NRXN3: variants seen among roughly 807,000 people sequenced by gnomAD.
NRXN3 encodes neurexin III.
Under a neutral mutation model 137.6 loss-of-function variants are expected in NRXN3, and 32 were observed. The ratio of observed to expected loss-of-function variants is 0.23; its 90% CI spans 0.18 to 0.31. NRXN3 has a LOEUF of 0.31. NRXN3 is among the 10% of genes least tolerant of loss of function. NRXN3 has a pLI of 1.00. For synonymous variants in NRXN3, 798 were observed against 784.5 expected (o/e 1.02, Z -0.29); for missense variants, 1,574 against 2,062.5 (o/e 0.76, Z 4.59).
At chr14:79,389,486 T>A (rs2153469970) in intron 15 of NRXN3, among the ~76,000 whole-genome samples, 1 of 152,320 alleles carries the variant, frequency 6.6e-6, no homozygotes, top group South Asian at 2.1e-4. Flanking sequence ...GCATTGGGGA[T>A]TAGGTTTCCA....
At chr14:79,854,820 T>C (rs1213568260) in intron 20 of NRXN3, among the ~76,000 whole-genome samples, 1 of 152,210 alleles carries the variant, frequency 6.6e-6, no homozygotes, top group Admixed American at 6.5e-5. Flanking sequence ...TACTCTCAAG[T>C]GACTATGGTA....
rs182427466 is a variant in NRXN3, at chr14:79,716,449, G to A, written c.4014+18512G>A. ...CCTTTTAGCATGTACATTTGTCTAG[G>A]TTTCTGGACTTTACAGCCTTCTGGT... On this transcript the variant is annotated intron_variant, in intron 19 of 20. Transcript: ENST00000335750. Among the ~76,000 whole-genome samples the A allele has an allele frequency of 2.1e-3, 313 of 152,268 alleles. 2 individuals are homozygous for A. Among genetic ancestry groups the A allele is most frequent in the African/African-American group, 7.2e-3 (301 of 41,546 alleles).
At chr14:79,020,862 TAC>T (rs3035451) in intron 15 of NRXN3, among the ~76,000 whole-genome samples, 3,230 of 145,176 alleles carry the variant, frequency 0.022, 75 homozygotes, top group African/African-American at 0.061. Flanking sequence ...GCTTGCATTT[TAC>T]ACACACACAC....
intron 16 of NRXN3, among the ~76,000 whole-genome samples, chr14:79,521,983 A>T (rs903324717): frequency 6.6e-6 from 1 of 152,130 alleles, no homozygotes; most frequent in Non-Finnish European, 1.5e-5. Flanking sequence ...TGTTGGGAGG[A>T]TGTTTCTATA....
chr14:79,256,169 T>C (rs2076551936), intron 15 of NRXN3, among the ~76,000 whole-genome samples: 1 of 150,520 alleles, frequency 6.6e-6, no homozygotes, highest in Non-Finnish European at 1.5e-5. Flanking sequence ...TGTCTCTCTC[T>C]CTGTCTCTCT....
intron 2 of NRXN3, among the ~76,000 whole-genome samples, chr14:78,246,287 G>T (rs2067663875): frequency 6.6e-6 from 1 of 152,138 alleles, no homozygotes; most frequent in African/African-American, 2.4e-5. Context: ...TATTTTGTGT[G>T]TGTTCCAGCT....
chr14:78,808,243 A>G (rs376003155), intron 9 of NRXN3, among the ~76,000 whole-genome samples: 3 of 152,202 alleles, frequency 2.0e-5, no homozygotes, highest in African/African-American at 7.2e-5. Context: ...ACATTGGTTT[A>G]AAGACCGCAT....
intron 15 of NRXN3, among the ~76,000 whole-genome samples, chr14:79,253,277 C>T (rs1568796736): frequency 6.6e-6 from 1 of 152,128 alleles, no homozygotes; most frequent in Non-Finnish European, 1.5e-5. Context: ...GGTGTTGAAC[C>T]ACTACTCGTA....
chr14:78,469,168 G>A (rs1308432638), intron 4 of NRXN3, among the ~76,000 whole-genome samples: 1 of 152,120 alleles, frequency 6.6e-6, no homozygotes, highest in Non-Finnish European at 1.5e-5. Context: ...TTTCTGGGTA[G>A]AAGGCCTGGT....
chr14:78,667,893 C>T (rs2152703220), intron 6 of NRXN3, among the ~76,000 whole-genome samples: 1 of 152,184 alleles, frequency 6.6e-6, no homozygotes, highest in Admixed American at 6.5e-5. Flanking sequence ...AGGTGATTCT[C>T]CTGCCTCTGC....
intron 16 of NRXN3, among the ~76,000 whole-genome samples, chr14:79,551,891 C>T (rs1032365653): frequency 1.3e-5 from 2 of 152,148 alleles, no homozygotes; most frequent in Non-Finnish European, 2.9e-5. Context: ...AGCTACAGTA[C>T]CAAGAGACAT....
chr14:78,252,157 C>CT (rs75377107), intron 2 of NRXN3, among the ~76,000 whole-genome samples: 3,668 of 143,958 alleles, frequency 0.025, 137 homozygotes, highest in African/African-American at 0.081. Flanking sequence ...AAGTTTTTTT[C>CT]TTTTTTTTTT....
intron 15 of NRXN3, among the ~76,000 whole-genome samples, chr14:79,198,868 C>T (rs1381677821): frequency 1.3e-5 from 2 of 152,154 alleles, no homozygotes; most frequent in Non-Finnish European, 2.9e-5. Flanking sequence ...AGTTACTGAA[C>T]TTAGAAAAAG....
intron 10 of NRXN3, among the ~76,000 whole-genome samples, chr14:78,843,572 A>G (rs2152454881): frequency 6.6e-6 from 1 of 152,206 alleles, no homozygotes; most frequent in South Asian, 2.1e-4. Context: ...TAAGCATGCA[A>G]AAAGATCAGT....
At chr14:79,825,209 T>TTC (rs1555772937) in intron 20 of NRXN3, among the ~76,000 whole-genome samples, 2 of 147,360 alleles carry the variant, frequency 1.4e-5, no homozygotes, top group Non-Finnish European at 3.0e-5. Context: ...TTGTGTGCTT[T>TTC]TTTTTTTTTT....
intron 10 of NRXN3, among the ~76,000 whole-genome samples, chr14:78,888,413 C>T (rs972401180): frequency 1.3e-5 from 2 of 150,476 alleles, no homozygotes; most frequent in Non-Finnish European, 3.0e-5. Flanking sequence ...AGACATAATA[C>T]CTGTCCTTTG....
chr14:79,036,694 A>G (rs1348144528), intron 15 of NRXN3, among the ~76,000 whole-genome samples: 2 of 147,932 alleles, frequency 1.4e-5, no homozygotes, highest in African/African-American at 5.0e-5. Context: ...TATGATAACG[A>G]CAGTCCCGAA....
At chr14:78,748,650 A>AT (rs2098625616) in intron 8 of NRXN3, among the ~76,000 whole-genome samples, 2 of 152,214 alleles carry the variant, frequency 1.3e-5, no homozygotes. Flanking sequence ...AGAGATAGCG[A>AT]TAAGTGAACA....
intron 17 of NRXN3, chr14:79,669,053 G>C (rs1012926769): frequency 6.6e-6 from 1 of 152,058 alleles, no homozygotes; most frequent in Non-Finnish European, 1.5e-5. Flanking sequence ...CTAGCCAGGA[G>C]GTTTACTTTC....
Sources: gnomAD v4.1 joint callset for allele counts (sites outside exome capture counted in the v4.1 genomes callset) on GRCh38, gnomAD v4.1.1 for gene constraint, MANE v1.5 for transcripts, NCBI Gene and HGNC (gene_info 2026-07-23, HGNC 2026-07-21) for gene names.